Variants in PCDH7 observed in about 807,000 individuals in gnomAD.
PCDH7 encodes the protein protocadherin 7.
A neutral mutation model predicts 58.9 loss-of-function variants in PCDH7; 17 were observed. The observed-to-expected ratio is 0.29, with a 90% CI of 0.20 to 0.43. The LOEUF (loss-of-function observed/expected upper bound fraction) is 0.43. PCDH7 is among the 20% of genes least tolerant of loss of function. PCDH7 has a pLI of 1.00. For missense variants in PCDH7, 1,274 were observed against 1,441.0 expected (o/e 0.88, Z 1.88); for synonymous variants, 664 against 616.4 (o/e 1.08, Z -1.14).
At chr4:31,016,824 G>C (rs1215043402) in intron 3 of PCDH7, among the ~76,000 whole-genome samples, 1 of 149,378 alleles carries the variant, frequency 6.7e-6, no homozygotes, top group Admixed American at 6.7e-5. Flanking sequence ...TGTGTGCTCG[G>C]TGTGTGTGTG....
In PCDH7 at chr4:30,740,017, A is replaced by G. The variant is rs150138347; in HGVS notation, c.70+15421A>G. 2.5e-3 allele frequency among the ~76,000 whole-genome samples: 380 copies of G among 152,324 alleles called. 2 individuals carry two copies. The highest frequency in any genetic ancestry group is 8.7e-3 in the African/African-American group (363 of 41,578). ...TATATTAACTCATTAAATAGTGATA[A>G]TAATGATAAAGCAACACCTATAATT... is the stretch of plus-strand genomic sequence containing the variant. On this transcript the variant is annotated intron_variant, in intron 1 of 3. Coordinates refer to the PCDH7 transcript ENST00000509759.
At chr4:31,056,518 G>GAAAGAGGAAA in intron 3 of PCDH7, among the ~76,000 whole-genome samples, 1 of 74,938 alleles carries the variant, frequency 1.3e-5, no homozygotes, top group African/African-American at 5.2e-5. Flanking sequence ...AGAAAGAAAG[G>GAAAGAGGAAA]GGAAGGGAAG....
chr4:31,036,919 G>A (rs1438232062), intron 3 of PCDH7, among the ~76,000 whole-genome samples: 1 of 152,112 alleles, frequency 6.6e-6, no homozygotes. Flanking sequence ...CTTGTGCTGG[G>A]AAACTCCCCT....
chr4:30,840,866 T>C (rs1010766127), intron 1 of PCDH7, among the ~76,000 whole-genome samples: 3 of 151,898 alleles, frequency 2.0e-5, no homozygotes, highest in African/African-American at 7.3e-5. Context: ...GGACGTACAG[T>C]TGCTCTCATA....
At chr4:30,940,677 A>G (rs1745920398) in intron 2 of PCDH7, among the ~76,000 whole-genome samples, 1 of 151,986 alleles carries the variant, frequency 6.6e-6, no homozygotes, top group South Asian at 2.1e-4. Context: ...CTGAGACATA[A>G]AAGAGCATAG....
chr4:30,757,536 G>C (rs1719464751), intron 1 of PCDH7, among the ~76,000 whole-genome samples: 1 of 152,104 alleles, frequency 6.6e-6, no homozygotes, highest in South Asian at 2.1e-4. Flanking sequence ...TCAGCTGTGT[G>C]CCTTTGTACA....
exon 2 of PCDH7, chr4:30,732,170 A>C (rs1262546297): frequency 1.3e-5 from 2 of 152,314 alleles, no homozygotes; most frequent in East Asian, 3.9e-4. Flanking sequence ...AATTTTCAGA[A>C]ACATCACTGC....
At chr4:31,047,009 G>A (rs1371542915) in intron 3 of PCDH7, among the ~76,000 whole-genome samples, 1 of 152,000 alleles carries the variant, frequency 6.6e-6, no homozygotes, top group East Asian at 1.9e-4. Flanking sequence ...GTACATAATA[G>A]TGCTTAATTG....
chr4:31,123,171 A>C (rs1345381892), intron 3 of PCDH7, among the ~76,000 whole-genome samples: 1 of 152,142 alleles, frequency 6.6e-6, no homozygotes. Flanking sequence ...TATAACAAAA[A>C]AACATGAATC....
At chr4:31,142,062 G>A (rs1720322918) in intron 3 of PCDH7, among the ~76,000 whole-genome samples, 2 of 151,908 alleles carry the variant, frequency 1.3e-5, no homozygotes, top group African/African-American at 4.8e-5. Flanking sequence ...ACCACTTCTG[G>A]GATAATTTAT....
exon 3 of PCDH7, chr4:30,950,204 A>T (rs1322456461): frequency 1.3e-5 from 2 of 152,542 alleles, no homozygotes; most frequent in Non-Finnish European, 2.9e-5. Flanking sequence ...AGGCCTCTCC[A>T]TTAATCAACA....
chr4:30,905,143 T>C (rs1255932875), intron 1 of PCDH7, among the ~76,000 whole-genome samples: 1 of 152,230 alleles, frequency 6.6e-6, no homozygotes. Flanking sequence ...CATTTCATTA[T>C]GGGACAATTG....
intron 3 of PCDH7, among the ~76,000 whole-genome samples, chr4:30,950,536 A>C (rs1395433575): frequency 6.6e-6 from 1 of 152,338 alleles, no homozygotes; most frequent in East Asian, 1.9e-4. Context: ...AACATTCTAC[A>C]AACAATCGTT....
At chr4:31,013,339 A>G (rs900554972) in intron 3 of PCDH7, among the ~76,000 whole-genome samples, 3 of 149,378 alleles carry the variant, frequency 2.0e-5, no homozygotes, top group African/African-American at 7.4e-5. Flanking sequence ...CACACATACT[A>G]TATATCTGTG....
intron 1 of PCDH7, among the ~76,000 whole-genome samples, chr4:30,836,722 GA>G (rs375768893): frequency 0.011 from 1,594 of 149,284 alleles, 24 homozygotes; most frequent in African/African-American, 0.037. Context: ...TTATCATAAT[GA>G]AAAAAAAAAT....
intron 3 of PCDH7, among the ~76,000 whole-genome samples, chr4:30,964,222 T>TTTTA (rs971800057): frequency 7.4e-5 from 10 of 134,902 alleles, no homozygotes; most frequent in African/African-American, 1.8e-4. Flanking sequence ...GCAGTAGTAG[T>TTTTA]TTTATTTATT....
chr4:31,120,007 ATTATT>A (rs1297850049), intron 3 of PCDH7, among the ~76,000 whole-genome samples: 2 of 150,252 alleles, frequency 1.3e-5, no homozygotes, highest in African/African-American at 4.9e-5. Flanking sequence ...GCGACCAATT[ATTATT>A]TTAGAGAGGC....
At chr4:31,093,955 C>A (rs1292332545) in intron 3 of PCDH7, among the ~76,000 whole-genome samples, 1 of 152,040 alleles carries the variant, frequency 6.6e-6, no homozygotes, top group African/African-American at 2.4e-5. Flanking sequence ...GCGATCTTTA[C>A]CTTCCATTTT....
intron 3 of PCDH7, among the ~76,000 whole-genome samples, chr4:30,976,402 T>C (rs1578467771): frequency 6.9e-6 from 1 of 145,804 alleles, no homozygotes; most frequent in East Asian, 2.0e-4. Context: ...TAAAATACTT[T>C]TTTTTTTTTT....
Sources: gnomAD v4.1 joint callset for allele counts (sites outside exome capture counted in the v4.1 genomes callset) on GRCh38, gnomAD v4.1.1 for gene constraint, MANE v1.5 for transcripts, NCBI Gene and HGNC (gene_info 2026-07-23, HGNC 2026-07-21) for gene names.